Variants in PCDH11X observed in about 807,000 individuals in gnomAD.
PCDH11X encodes protocadherin-11 X-linked.
A neutral mutation model predicts 53.3 loss-of-function variants in PCDH11X; 18 were observed. The ratio of observed to expected loss-of-function variants is 0.34; its 90% CI spans 0.23 to 0.50. PCDH11X has a LOEUF of 0.50. Ranked by LOEUF, PCDH11X falls within the 20% of genes least tolerant of loss-of-function variation. The pLI, the probability that PCDH11X is intolerant of heterozygous loss-of-function variation, is 0.98. For missense variants in PCDH11X, 570 were observed against 1,032.4 expected, an observed-to-expected ratio of 0.55 and a Z score of 6.14; for synonymous variants, 279 against 393.3, an observed-to-expected ratio of 0.71 and a Z score of 3.44.
intron 6 of PCDH11X, among the ~76,000 whole-genome samples, chrX:92,133,979 T>C (rs775676350): frequency 2.7e-5 from 3 of 111,638 alleles, no homozygotes; most frequent in Non-Finnish European, 5.6e-5. Flanking sequence ...AAGATATACA[T>C]TGGATCAGTC....
intron 6 of PCDH11X, among the ~76,000 whole-genome samples, chrX:92,059,830 A>T (rs2063501290): frequency 9.1e-6 from 1 of 110,168 alleles, no homozygotes; most frequent in Non-Finnish European, 1.9e-5. Flanking sequence ...AAGCCTAGGC[A>T]TCACTGCTAC....
intron 6 of PCDH11X, among the ~76,000 whole-genome samples, chrX:92,104,634 G>A: frequency 9.0e-6 from 1 of 110,782 alleles, no homozygotes; most frequent in Non-Finnish European, 1.9e-5. Flanking sequence ...GAATTGAAGA[G>A]GTTTTAAGTT....
chrX:92,421,397 T>C (rs1164258218), intron 9 of PCDH11X, among the ~76,000 whole-genome samples: 1 of 112,012 alleles, frequency 8.9e-6, no homozygotes, highest in African/African-American at 3.2e-5. Flanking sequence ...TTGCTTAAGA[T>C]AATGGCCTCC....
chrX:91,792,145 G>A (rs770190153), intron 1 of PCDH11X, among the ~76,000 whole-genome samples: 228 of 109,681 alleles, frequency 2.1e-3, no homozygotes, highest in African/African-American at 7.4e-3. Context: ...CACCGCGCCC[G>A]GCCTCATGTT....
At position 91,983,609 on chromosome X, in the gene PCDH11X, G is replaced by A. The variant is rs892175063; in HGVS notation, c.3033+104336G>A. On this transcript the variant is annotated intron_variant, in intron 6 of 10. Transcript: ENST00000682573. ...GAGCCAGCTGCGGGGCCCAACTCCC[G>A]TTTTTAAAACCATCAGATCTCGGGA... 9 of 386,171 alleles carry A rather than the reference G, an allele frequency of 2.3e-5. 1 individual carries two copies. Among genetic ancestry groups the A allele is most frequent in the African/African-American group, 1.0e-4 (4 of 39,229 alleles). 31.8% of individuals were successfully genotyped at this position (386,171 alleles called of 1,213,427 possible).
At chrX:92,114,014 C>T (rs2064580052) in intron 6 of PCDH11X, 4 of 1,206,726 alleles carry the variant, frequency 3.3e-6, no homozygotes, top group Non-Finnish European at 4.5e-6. Flanking sequence ...TGGGGAGCTT[C>T]CATCTGCAGT....
intron 8 of PCDH11X, among the ~76,000 whole-genome samples, chrX:92,309,566 G>C (rs997670082): frequency 9.0e-6 from 1 of 111,653 alleles, no homozygotes; most frequent in Admixed American, 9.5e-5. Context: ...AAAAATTCTG[G>C]AGATGGATGG....
At chrX:92,319,269 C>T (rs2069146257) in intron 8 of PCDH11X, among the ~76,000 whole-genome samples, 1 of 111,636 alleles carries the variant, frequency 9.0e-6, no homozygotes, top group African/African-American at 3.3e-5. Flanking sequence ...ATCAATTGGT[C>T]ATTTATTATA....
chrX:91,909,430 C>T, intron 6 of PCDH11X, among the ~76,000 whole-genome samples: 1 of 106,838 alleles, frequency 9.4e-6, no homozygotes, highest in Middle Eastern at 4.7e-3. Flanking sequence ...AGAGACCCAG[C>T]TTAATGCACC....
At chrX:92,485,671 A>AT (rs760805855) in intron 10 of PCDH11X, among the ~76,000 whole-genome samples, 2 of 111,569 alleles carry the variant, frequency 1.8e-5, no homozygotes, top group African/African-American at 3.2e-5. Flanking sequence ...CTCGAAACTC[A>AT]TTTTTTTTCT....
At chrX:92,335,219 A>T (rs1237475906) in intron 8 of PCDH11X, among the ~76,000 whole-genome samples, 1 of 109,863 alleles carries the variant, frequency 9.1e-6, no homozygotes, top group African/African-American at 3.3e-5. Flanking sequence ...TTTTTTTCAG[A>T]GCCCAAAGCA....
At chrX:92,342,633 T>C (rs931293559) in intron 8 of PCDH11X, among the ~76,000 whole-genome samples, 1 of 111,473 alleles carries the variant, frequency 9.0e-6, no homozygotes, top group East Asian at 2.8e-4. Context: ...TTCTCACTTA[T>C]AAGTGGGAGG....
rs1256206519 is a variant in PCDH11X at position 92,142,366 on chromosome X, G to A, written c.3034-59009G>A. On this transcript the variant is annotated intron_variant, in intron 6 of 10. Transcript: ENST00000682573. ...AGACAGTTGGTCCATGCATGTGCGC[G>A]CGCGCACACACACACACACACACAC... Among the ~76,000 whole-genome samples, 51 of 72,042 alleles carry A rather than the reference G, an allele frequency of 7.1e-4. 1 individual carries two copies. The highest frequency in any genetic ancestry group is 4.5e-3 in the Admixed American group (28 of 6,182). The allele number at this position is 72,042 out of a possible 115,157, so 62.6% of individuals were successfully genotyped here.
At chrX:92,061,792 G>T (rs2063527382) in intron 6 of PCDH11X, among the ~76,000 whole-genome samples, 2 of 110,794 alleles carry the variant, frequency 1.8e-5, no homozygotes, top group South Asian at 3.8e-4. Context: ...TGATTTTTTT[G>T]TTTGTTTGTT....
intron 6 of PCDH11X, among the ~76,000 whole-genome samples, chrX:92,124,579 G>A (rs867297582): frequency 1.7e-4 from 18 of 107,514 alleles, no homozygotes; most frequent in Non-Finnish European, 3.1e-4. Flanking sequence ...GTATAATACC[G>A]CAAGAGGTGT....
intron 4 of PCDH11X, among the ~76,000 whole-genome samples, chrX:91,829,436 ACACACACC>A (rs200412497): frequency 0.019 from 1,748 of 92,523 alleles, 33 homozygotes; most frequent in African/African-American, 0.066. Context: ...ACACACACAC[ACACACACC>A]CACAATTATA....
At chrX:92,371,596 C>G (rs1488391431) in intron 8 of PCDH11X, among the ~76,000 whole-genome samples, 2 of 109,769 alleles carry the variant, frequency 1.8e-5, no homozygotes. Context: ...TATGTATTGA[C>G]TTTTACCCAT....
intron 6 of PCDH11X, among the ~76,000 whole-genome samples, chrX:91,940,866 C>G (rs777139056): frequency 1.8e-5 from 2 of 108,804 alleles, no homozygotes; most frequent in Non-Finnish European, 3.8e-5. Flanking sequence ...TTATAATATA[C>G]GTGATGTAGG....
intron 6 of PCDH11X, among the ~76,000 whole-genome samples, chrX:92,028,905 AT>A (rs1023631190): frequency 5.4e-5 from 6 of 110,795 alleles, no homozygotes; most frequent in African/African-American, 2.0e-4. Context: ...TCCTTCTGAG[AT>A]TTTTTGCTAA....
Sources: allele counts gnomAD v4.1 joint callset (sites outside exome capture counted in the v4.1 genomes callset), GRCh38; gene constraint gnomAD v4.1.1; transcripts MANE v1.5; gene names NCBI Gene and HGNC (gene_info 2026-07-23, HGNC 2026-07-21).